RUVBL2: variants seen among roughly 807,000 people sequenced by gnomAD.
RUVBL2 encodes ruvB-like 2.
A neutral mutation model predicts 57.9 loss-of-function variants in RUVBL2; 9 were observed. That is an observed-to-expected ratio of 0.16 (90% CI 0.09 to 0.27). The LOEUF (loss-of-function observed/expected upper bound fraction) is 0.27, where lower values mean the gene tolerates loss of function less well. Ranked by LOEUF, RUVBL2 falls within the 10% of genes least tolerant of loss-of-function variation. RUVBL2 has a pLI of 1.00. For synonymous variants in RUVBL2, 278 were observed against 264.6 expected, an observed-to-expected ratio of 1.05 and a Z score of -0.49; for missense variants, 456 against 669.6, an observed-to-expected ratio of 0.68 and a Z score of 3.52.
intron 1 of RUVBL2, among the ~76,000 whole-genome samples, chr19:48,996,673 C>T (rs2039068395): frequency 6.6e-6 from 1 of 152,108 alleles, no homozygotes; most frequent in South Asian, 2.1e-4. Flanking sequence ...TTACAGGCAC[C>T]TGCCACCACG....
chr19:49,010,467 T>TGCGC, intron 8 of RUVBL2, 21 bp from the exon 9 acceptor site: 9 of 1,401,174 alleles, frequency 6.4e-6, no homozygotes, highest in Non-Finnish European at 8.9e-6. Flanking sequence ...CCGCCGTTCT[T>TGCGC]CCCCCACCCC....
chr19:49,002,045 G>A (rs1186698223), intron 2 of RUVBL2, among the ~76,000 whole-genome samples: 1 of 150,154 alleles, frequency 6.7e-6, no homozygotes, highest in Non-Finnish European at 1.5e-5. Flanking sequence ...TTTTTTGGTT[G>A]GTTTTTTGTT....
chr19:49,014,390 G>A, intron 11 of RUVBL2, 94 bp from the exon 12 acceptor site: 1 of 1,477,048 alleles, frequency 6.8e-7, no homozygotes, highest in Non-Finnish European at 9.2e-7. Context: ...TGGGCCCAGT[G>A]AGTGGGTGGC....
At chr19:49,013,290 G>T (rs1225714077) in intron 11 of RUVBL2, among the ~76,000 whole-genome samples, 4 of 149,726 alleles carry the variant, frequency 2.7e-5, no homozygotes, top group Non-Finnish European at 4.4e-5. Flanking sequence ...TGTAGAGATG[G>T]TGTTTTGCCA....
rs894155252 is a variant in RUVBL2 at position 49,011,516 on chromosome 19, T to C, written c.1001+206T>C. Among the ~76,000 whole-genome samples, 8 of 152,222 alleles carry C rather than the reference T, an allele frequency of 5.3e-5. No individual in the cohort carries two copies. Among genetic ancestry groups the C allele is most frequent in the African/African-American group, 1.9e-4 (8 of 41,448 alleles). On this transcript the variant is annotated intron_variant, in intron 11 of 14. Transcript: ENST00000595090. This position sits in a 1 kb window ranked among gnomAD's most constrained non-coding sequence, Gnocchi z 4.4. ...CTGTGTTCTTGCTGCCTTTCTGTCT[T>C]GCTGCTCCTTTAGCCCCCAAGGCTG...
In RUVBL2 at chr19:49,007,306, G is replaced by A; in HGVS notation, c.400G>A (p.Glu134Lys). 6.2e-7 allele frequency: 1 copy of A among 1,613,966 alleles called. No homozygotes were observed. The highest frequency in any genetic ancestry group is 8.5e-7 in the Non-Finnish European group (1 of 1,179,940). Residue 134 changes from glutamate to lysine, a missense_variant, in exon 6 of 15, where the codon GAG becomes AAG. Physicochemically the swap from Glu to Lys is moderately conservative, Grantham distance 56. Coordinates refer to ENST00000595090, the MANE Select transcript of RUVBL2 (RefSeq NM_006666.3). ...TCAGATCTGCTCTCTGGCTAGGGAG[G>A]AGACGGAGATCATCGAAGGGGAGGT... ...RRSIGVRIKE[E>K]TEIIEGEVVE...
chr19:49,011,210 G>A lies in RUVBL2; in HGVS notation c.901G>A (p.Val301Ile), dbSNP rs1230407557. Residue 301 changes from valine (V) to isoleucine (I), a missense_variant, in exon 11 of 15, where the codon GTC becomes ATC. This residue lies in a region of RUVBL2 where 130 missense variants were observed against 243.0 expected (regional missense o/e 0.53). Transcript: ENST00000595090. The surrounding 1 kb of genome is among the most constrained non-coding windows in gnomAD (Gnocchi z 4.4). ...ATCCAAGGTGCTGTTCATCGACGAG[G>A]TCCACATGCTGGACATCGAGAGCTT... ...IIPGVLFIDE[V>I]HMLDIESFSF... 6.2e-7 allele frequency: 1 copy of A among 1,613,964 alleles called. No individual in the cohort carries two copies. Among genetic ancestry groups the A allele is most frequent in the Non-Finnish European group, 8.5e-7 (1 of 1,180,022 alleles).
In RUVBL2 at chr19:49,004,163, T is replaced by C. The variant is rs752675060; in HGVS notation, c.124-114T>C. ...AAAGCAGGGAAAGCTTTTTTGGCTT[T>C]TCCTAGAAGTCCCAGCTAGTAATGT... On this transcript the variant is annotated intron_variant, in intron 3 of 14. Transcript: ENST00000595090. 18 of 1,427,344 alleles carry C rather than the reference T, an allele frequency of 1.3e-5. No homozygotes were observed. The East Asian group carries it at 4.0e-4, about 32-fold the overall frequency. 88.4% of individuals were successfully genotyped at this position (1,427,344 alleles called of 1,614,324 possible).
rs773756878 is a variant in RUVBL2 at position 49,015,695 on chromosome 19, C to A, written c.1366+9C>A. 19 of 1,604,826 alleles carry A rather than the reference C, an allele frequency of 1.2e-5. 1 individual carries two copies. In the South Asian group the frequency reaches 2.0e-4, roughly 17 times the overall value. On this transcript the variant is annotated intron_variant, in intron 14 of 14. Transcript: ENST00000595090. ...CCTCTTCAACGAACTCAGTAAGAATCCCCACCCCGCACCTGCACTGCCAGA... is the reference window on the plus strand; with the variant it reads ...CCTCTTCAACGAACTCAGTAAGAATACCCACCCCGCACCTGCACTGCCAGA...
chr19:49,001,143 C>CAA (rs143025547), intron 2 of RUVBL2, among the ~76,000 whole-genome samples: 10,949 of 150,354 alleles, frequency 0.073, 506 homozygotes, highest in Admixed American at 0.12. Context: ...GACGCTCTCT[C>CAA]AAAAAATAAA....
At chr19:48,994,117 C>G in intron 1 of RUVBL2, 194 bp downstream of exon 1, 1 of 285,924 alleles carries the variant, frequency 3.5e-6, no homozygotes, top group Non-Finnish European at 6.1e-6. Context: ...ACTTCTGGAT[C>G]TGAGGCGGGG....
At chr19:49,012,843 CCACACACACACACACACACACACA>C (rs58302006) in intron 11 of RUVBL2, among the ~76,000 whole-genome samples, 1 of 141,804 alleles carries the variant, frequency 7.1e-6, no homozygotes, top group South Asian at 2.3e-4. Context: ...TCAGTGCCCA[CCACACACACACACACACACACACA>C]CACACACACA....
chr19:48,998,450 T>G (rs1269799944), intron 1 of RUVBL2, among the ~76,000 whole-genome samples: 1 of 151,962 alleles, frequency 6.6e-6, no homozygotes, highest in Non-Finnish European at 1.5e-5. Context: ...ATCCCAGCAC[T>G]TTGGGAGGCC....
chr19:49,001,163 A>G (rs925705980), intron 2 of RUVBL2, among the ~76,000 whole-genome samples: 1 of 137,348 alleles, frequency 7.3e-6, no homozygotes, highest in African/African-American at 2.7e-5. Flanking sequence ...AAATAAAAAC[A>G]TTTTTTTTTT....
chr19:48,993,529 C>T (rs3810176), upstream of RUVBL2: 32,623 of 442,884 alleles, frequency 0.074, 1,425 homozygotes, highest in Admixed American at 0.12. Context: ...TGGCCTTCAG[C>T]TCTGTCAATC....
chr19:49,013,600 C>A (rs2039479255), intron 11 of RUVBL2, among the ~76,000 whole-genome samples: 1 of 152,082 alleles, frequency 6.6e-6, no homozygotes, highest in Admixed American at 6.5e-5. Context: ...TGTTACATAA[C>A]AAACACATGG....
At position 49,010,473 on chromosome 19, in the gene RUVBL2, A is replaced by ACCCCCCCCCCCCCC; in HGVS notation, c.664-10_664-9insCCCCCCCCCCCCCC. 1.3e-6 allele frequency: 1 copy of ACCCCCCCCCCCCCC among 753,970 alleles called. No individual in the cohort carries two copies. The highest frequency in any genetic ancestry group is 2.7e-4 in the Middle Eastern group (1 of 3,658). 46.7% of individuals were successfully genotyped at this position (753,970 alleles called of 1,614,324 possible). The stretch of plus-strand genomic sequence containing the variant: ...GCCCTGTCTCCGCCGTTCTTCCCCC[A>ACCCCCCCCCCCCCC]CCCCCGCCCCATAGACCAAGTTCGT... On this transcript the variant is annotated splice_polypyrimidine_tract_variant and intron_variant, in intron 8 of 14. Coordinates refer to ENST00000595090, the MANE Select transcript of RUVBL2 (RefSeq NM_006666.3).
chr19:49,001,997 ACAG>A (rs750983439), intron 2 of RUVBL2, among the ~76,000 whole-genome samples: 4 of 151,996 alleles, frequency 2.6e-5, no homozygotes, highest in Non-Finnish European at 4.4e-5. Flanking sequence ...GAAGGCAGCC[ACAG>A]ACAGTATATA....
At chr19:49,010,769 C>T (rs2287758) in intron 9 of RUVBL2, among the ~76,000 whole-genome samples, 158 bp downstream of exon 9, 83,366 of 151,370 alleles carry the variant, frequency 0.55, 23,235 homozygotes, top group Middle Eastern at 0.61. Flanking sequence ...CCTGCAAGTC[C>T]GCTCCGTCCC....
Sources: gnomAD v4.1 joint callset for allele counts (sites outside exome capture counted in the v4.1 genomes callset) on GRCh38, gnomAD v4.1.1 for gene constraint, gnomAD v4.1.1 regional missense constraint, Gnocchi (gnomAD v3.1) non-coding constraint, MANE v1.5 for transcripts, NCBI Gene and HGNC (gene_info 2026-07-23, HGNC 2026-07-21) for gene names.